RNF180: variants seen among roughly 807,000 people sequenced by gnomAD.
The protein encoded by RNF180 is E3 ubiquitin-protein ligase RNF180.
A neutral mutation model predicts 59.2 loss-of-function variants in RNF180; 38 were observed. The ratio of observed to expected loss-of-function variants is 0.64; its 90% CI spans 0.50 to 0.84. The LOEUF (loss-of-function observed/expected upper bound fraction) is 0.84. Ranked by LOEUF, RNF180 falls within the 40% of genes least tolerant of loss-of-function variation. RNF180 has a pLI of 0.00. For synonymous variants in RNF180, 262 were observed against 240.3 expected (o/e 1.09, Z -0.84); for missense variants, 705 against 700.9 (o/e 1.01, Z -0.07).
chr5:64,232,212 A>G (rs1361829831), intron 5 of RNF180, among the ~76,000 whole-genome samples: 1 of 152,122 alleles, frequency 6.6e-6, no homozygotes, highest in Non-Finnish European at 1.5e-5. Context: ...ATATTTAGGG[A>G]AGAGATGGAT....
intron 1 of RNF180, among the ~76,000 whole-genome samples, chr5:64,190,891 G>A (rs996673291): frequency 6.6e-6 from 1 of 152,168 alleles, no homozygotes; most frequent in Admixed American, 6.5e-5. Context: ...ATTTTCTGTT[G>A]TTTAAGCCCC....
chr5:64,328,353 G>A (rs1306012811), intron 6 of RNF180, among the ~76,000 whole-genome samples: 1 of 152,130 alleles, frequency 6.6e-6, no homozygotes, highest in Non-Finnish European at 1.5e-5. Flanking sequence ...ACACTGACAA[G>A]CCCCTTCAAC....
chr5:64,292,521 G>A (rs763447135), intron 5 of RNF180, among the ~76,000 whole-genome samples: 1 of 152,156 alleles, frequency 6.6e-6, no homozygotes, highest in Non-Finnish European at 1.5e-5. Flanking sequence ...TCCCTGGTGG[G>A]GATGCTAACC....
At chr5:64,340,902 A>G (rs1452947712) in intron 7 of RNF180, among the ~76,000 whole-genome samples, 1 of 151,978 alleles carries the variant, frequency 6.6e-6, no homozygotes, top group Non-Finnish European at 1.5e-5. Flanking sequence ...GCAGTGTTTC[A>G]TTCTCTCCTT....
intron 2 of RNF180, among the ~76,000 whole-genome samples, chr5:64,202,532 G>A (rs991315366): frequency 1.8e-4 from 28 of 152,040 alleles, no homozygotes; most frequent in Admixed American, 2.0e-4. Context: ...CATGGGGGTA[G>A]GTATAGTTTA....
At chr5:64,356,714 C>A (rs1433477330) in intron 7 of RNF180, among the ~76,000 whole-genome samples, 4 of 151,692 alleles carry the variant, frequency 2.6e-5, no homozygotes, top group Non-Finnish European at 5.9e-5. Flanking sequence ...TATGGATGAA[C>A]CTTGAAGACA....
chr5:64,333,956 A>G (rs1425108421), intron 7 of RNF180, among the ~76,000 whole-genome samples: 2 of 152,188 alleles, frequency 1.3e-5, no homozygotes, highest in Non-Finnish European at 2.9e-5. Flanking sequence ...GCCTTTAATC[A>G]TTTACTGCAA....
At position 64,213,923 on chromosome 5, in the gene RNF180, G is replaced by A. The variant is rs1752465093; in HGVS notation, c.597G>A (p.Leu199=). Residue 199 remains leucine (L), a synonymous_variant, in exon 4 of 8, where the codon CTG becomes CTA. Coordinates refer to ENST00000389100, the MANE Select transcript of RNF180 (RefSeq NM_001113561.2). ...TYFEMKNEKL[L]SKASEPKYQL... ...TTGAGATGAAGAACGAAAAACTGCT[G>A]TCCAAAGCATCAGAACCAAAATACC... is the stretch of plus-strand genomic sequence containing the variant. 1 of 1,613,946 alleles carries A rather than the reference G, an allele frequency of 6.2e-7. No homozygotes were observed. Among genetic ancestry groups the A allele is most frequent in the Non-Finnish European group, 8.5e-7 (1 of 1,180,012 alleles).
intron 5 of RNF180, among the ~76,000 whole-genome samples, chr5:64,227,150 G>A (rs1481187489): frequency 1.3e-5 from 2 of 152,240 alleles, no homozygotes; most frequent in African/African-American, 4.8e-5. Context: ...TAGGTGGGCA[G>A]AGAGGCGTCA....
At chr5:64,292,408 C>A (rs1029579018) in intron 5 of RNF180, among the ~76,000 whole-genome samples, 3 of 152,124 alleles carry the variant, frequency 2.0e-5, no homozygotes, top group African/African-American at 7.2e-5. Context: ...GGGGATTGCT[C>A]AGCAATCCTA....
rs753064738 is a variant in RNF180, at chr5:64,213,857, A to G, written c.531A>G (p.Arg177=). The G allele has an allele frequency of 6.2e-7, 1 of 1,614,168 alleles. No homozygotes were observed. The highest frequency in any genetic ancestry group is 8.5e-7 in the Non-Finnish European group (1 of 1,180,022). Residue 177 remains arginine, a synonymous_variant, in exon 4 of 8, where the codon AGA becomes AGG. Coordinates refer to ENST00000389100, the MANE Select transcript of RNF180 (RefSeq NM_001113561.2). ...CCCGAAATAATAATGACCCTGGAAG[A>G]TTAACAGAAGCACTCTGCCTGGAGG... ...NMARNNNDPG[R]LTEALCLEVR... is the part of the protein sequence containing the mutation.
intron 7 of RNF180, among the ~76,000 whole-genome samples, chr5:64,352,325 C>A (rs1404944057): frequency 2.6e-5 from 4 of 151,892 alleles, no homozygotes; most frequent in African/African-American, 9.7e-5. Flanking sequence ...AGCAGTCTAT[C>A]AATTTTGTTG....
At chr5:64,205,977 A>G (rs918424254) in intron 2 of RNF180, among the ~76,000 whole-genome samples, 6 of 150,550 alleles carry the variant, frequency 4.0e-5, no homozygotes, top group African/African-American at 1.5e-4. Flanking sequence ...ATTCTCTAGG[A>G]AAAAAAAAGT....
rs967011968 is a variant in RNF180 at position 64,322,669 on chromosome 5, A to G, written c.1228-2517A>G. On this transcript the variant is annotated intron_variant, in intron 5 of 7. Transcript: ENST00000389100. Reference sequence around the variant, plus strand: ...GGAATACCATTCAGCCAATAAAAGGAATGAAATAATGGCATTCTCAGCAAC... The same window carrying G: ...GGAATACCATTCAGCCAATAAAAGGGATGAAATAATGGCATTCTCAGCAAC... Among the ~76,000 whole-genome samples the G allele has an allele frequency of 3.3e-5, 5 of 151,464 alleles. No homozygotes were observed. In the South Asian group the frequency reaches 8.4e-4, roughly 25 times the overall value.
At chr5:64,307,659 C>T (rs2112472404) in intron 5 of RNF180, among the ~76,000 whole-genome samples, 1 of 151,866 alleles carries the variant, frequency 6.6e-6, no homozygotes, top group South Asian at 2.1e-4. Flanking sequence ...TATCAAACAA[C>T]ATAGCTTAGC....
rs148499067 is a variant in RNF180 at position 64,213,634 on chromosome 5, C to T, written c.308C>T (p.Pro103Leu). ...GGGGGCTTTAATTTTGTCAGCACTC[C>T]AAAATGTTCCTGTGGCCAGCTTGCA... Reference protein sequence around the residue: ...RLGGFNFVSTPKCSCGQLAAV... With the variant: ...RLGGFNFVSTLKCSCGQLAAV... Residue 103 changes from proline to leucine, a missense_variant, in exon 4 of 8, where the codon CCA (proline) becomes CTA (leucine). Physicochemically the swap from Pro to Leu is moderately conservative, Grantham distance 98 (BLOSUM62 -3). Transcript: ENST00000389100. The T allele has an allele frequency of 1.2e-6, 2 of 1,613,996 alleles. No individual in the cohort carries two copies. Among genetic ancestry groups the T allele is most frequent in the Admixed American group, 1.7e-5 (1 of 60,002 alleles).
intron 5 of RNF180, among the ~76,000 whole-genome samples, chr5:64,302,148 G>A (rs1380074070): frequency 2.0e-5 from 3 of 151,420 alleles, no homozygotes; most frequent in Admixed American, 6.6e-5. Flanking sequence ...GAACTAAAAA[G>A]ACAAATTTTC....
chr5:64,234,046 G>C (rs1742254588), intron 5 of RNF180, among the ~76,000 whole-genome samples: 3 of 152,140 alleles, frequency 2.0e-5, no homozygotes, highest in Admixed American at 1.3e-4. Flanking sequence ...TAACTCCCCT[G>C]GTGATTTAGC....
chr5:64,206,230 G>A (rs1283372991), intron 2 of RNF180, among the ~76,000 whole-genome samples: 1 of 152,164 alleles, frequency 6.6e-6, no homozygotes, highest in East Asian at 1.9e-4. Context: ...ACTTTTAGGG[G>A]CAGTTACCAA....
Sources: allele counts gnomAD v4.1 joint callset (sites outside exome capture counted in the v4.1 genomes callset), GRCh38; gene constraint gnomAD v4.1.1; transcripts MANE v1.5; gene names NCBI Gene and HGNC (gene_info 2026-07-23, HGNC 2026-07-21).